Variants in PSMA4 observed in about 807,000 individuals in gnomAD.
PSMA4 encodes the protein proteasome 20S subunit alpha 4, also known as proteasome subunit alpha type-4.
Under a neutral mutation model 37.2 loss-of-function variants are expected in PSMA4, and 8 were observed. The observed-to-expected ratio is 0.22, with a 90% CI of 0.13 to 0.39. The LOEUF (loss-of-function observed/expected upper bound fraction) is 0.39, where lower values mean the gene tolerates loss of function less well. PSMA4 is among the 10% of genes least tolerant of loss of function. The probability of loss-of-function intolerance (pLI) is 1.00; values close to 1 mark genes in which losing one functional copy is unlikely to be tolerated. For synonymous variants in PSMA4, 93 were observed against 98.8 expected (o/e 0.94, Z 0.35); for missense variants, 169 against 305.1 (o/e 0.55, Z 3.32).
At chr15:78,544,105 T>A (rs890014628) in intron 4 of PSMA4, 85 bp from the exon 5 acceptor site, 1 of 987,688 alleles carries the variant, frequency 1.0e-6, no homozygotes, top group Non-Finnish European at 1.5e-6. Flanking sequence ...GAATTTCTAA[T>A]AGAAATTAGA....
Position 78,544,360 on chromosome 15 carries a change from G to C in PSMA4, c.287+93G>C, listed in dbSNP as rs1439613941. 1.3e-5 allele frequency: 11 copies of C among 871,348 alleles called. No individual in the cohort carries two copies. The East Asian group carries it at 2.6e-4, about 21-fold the overall frequency. 54.0% of individuals were successfully genotyped at this position (871,348 alleles called of 1,614,324 possible). A position where few individuals can be genotyped will look rare whatever the true frequency, so the allele number is the denominator to read the frequency against. ...AGACAGAGTCTCACTCTGTCACCCAGGCTGGAGTGCAGTGGCACGATCTTG... is the reference window on the plus strand; with the variant it reads ...AGACAGAGTCTCACTCTGTCACCCACGCTGGAGTGCAGTGGCACGATCTTG... On this transcript the variant is annotated intron_variant, in intron 5 of 8. Coordinates refer to ENST00000044462, the MANE Select transcript of PSMA4 (RefSeq NM_002789.6).
intron 8 of PSMA4, among the ~76,000 whole-genome samples, chr15:78,548,141 G>C (rs552953229): frequency 6.6e-6 from 1 of 152,096 alleles, no homozygotes; most frequent in African/African-American, 2.4e-5. Flanking sequence ...TGAAACAGGA[G>C]AATCACCTGA....
At chr15:78,544,293 TG>T in intron 5 of PSMA4, 26 bp downstream of exon 5, 2 of 1,373,992 alleles carry the variant, frequency 1.5e-6, no homozygotes, top group Admixed American at 2.6e-5. Flanking sequence ...GCATAACTGA[TG>T]ATACAGAAAT....
At position 78,544,875 on chromosome 15, in the gene PSMA4, A is replaced by G. The variant is rs751534088; in HGVS notation, c.294A>G (p.Leu98=). The part of the protein sequence containing the change: ...NELRLIAQRY[L]LQYQEPIPCE... ...GCCCATCTCTTTATCCTAGGTATTT[A>G]TTACAGTATCAGGAGCCAATACCTT... is the stretch of plus-strand genomic sequence containing the variant. The change falls in exon 6 of 9, where the codon TTA becomes TTG. Residue 98 remains leucine, a synonymous_variant. Coordinates refer to ENST00000044462, the MANE Select transcript of PSMA4 (RefSeq NM_002789.6). The G allele has an allele frequency of 6.2e-7, 1 of 1,600,952 alleles. No homozygotes were observed. Among genetic ancestry groups the G allele is most frequent in the South Asian group, 1.1e-5 (1 of 90,518 alleles).
chr15:78,544,408 C>T (rs112234576), intron 5 of PSMA4, 141 bp downstream of exon 5: 16 of 553,528 alleles, frequency 2.9e-5, no homozygotes, highest in African/African-American at 1.4e-4. Context: ...CTCCGCCTCC[C>T]GGGTTCAAGC....
rs2052539885 is a variant in PSMA4, at chr15:78,545,698, C to G, written c.441C>G (p.Leu147=). The G allele has an allele frequency of 6.2e-7, 1 of 1,613,726 alleles. No individual in the cohort carries two copies. Among genetic ancestry groups the G allele is most frequent in the African/African-American group, 1.3e-5 (1 of 74,898 alleles). The change falls in exon 7 of 9, where the codon CTC becomes CTG. Residue 147 remains leucine, a synonymous_variant. Coordinates refer to ENST00000044462, the MANE Select transcript of PSMA4 (RefSeq NM_002789.6). ...GGGATAAGCACTATGGCTTTCAGCTCTATCAGAGTGACCCTAGTGGAAATT... is the reference window on the plus strand; with the variant it reads ...GGGATAAGCACTATGGCTTTCAGCTGTATCAGAGTGACCCTAGTGGAAATT... ...IGWDKHYGFQ[L]YQSDPSGNYG... is the part of the protein sequence containing the mutation.
rs1223636468 is a variant in PSMA4 at position 78,551,220 on chromosome 15, ACC to A, written c.*2278_*2279del. 6.6e-6 allele frequency: 1 copy of A among 151,682 alleles called. No individual in the cohort carries two copies. The highest frequency in any genetic ancestry group is 1.5e-5 in the Non-Finnish European group (1 of 67,916). 9.4% of individuals were successfully genotyped at this position (151,682 alleles called of 1,614,324 possible). A position where few individuals can be genotyped will look rare whatever the true frequency, so the allele number is the denominator to read the frequency against. ...TACTACTGCACAGTTTTGGCTCAAA[ACC>A]CTCCAATGGCTTCCCATCTTGCTCA... On this transcript the variant is annotated 3_prime_UTR_variant, in exon 9 of 9. Transcript: ENST00000044462.
chr15:78,544,136 C>A, intron 4 of PSMA4, 54 bp from the exon 5 acceptor site: 1 of 1,332,974 alleles, frequency 7.5e-7, no homozygotes, highest in Non-Finnish European at 1.1e-6. Flanking sequence ...TACTTATAAA[C>A]ACTCCTTGCA....
intron 5 of PSMA4, 38 bp from the exon 6 acceptor site, chr15:78,544,831 T>C (rs369379855): frequency 3.3e-5 from 46 of 1,392,498 alleles, no homozygotes; most frequent in Non-Finnish European, 4.5e-5. Flanking sequence ...GTCTGTGTTT[T>C]AGAGAAAACT....
At chr15:78,547,605 G>A (rs1316333039) in intron 8 of PSMA4, among the ~76,000 whole-genome samples, 1 of 152,182 alleles carries the variant, frequency 6.6e-6, no homozygotes, top group Non-Finnish European at 1.5e-5. Context: ...GGAGGCTGAG[G>A]TGGGTGGATC....
At chr15:78,546,453 A>C in intron 7 of PSMA4, 122 bp from the exon 8 acceptor site, 1 of 907,396 alleles carries the variant, frequency 1.1e-6, no homozygotes, top group Non-Finnish European at 1.6e-6. Context: ...TGTGTCAAAA[A>C]AAAAAAAAAA....
chr15:78,544,746 C>G, intron 5 of PSMA4, 123 bp from the exon 6 acceptor site: 1 of 573,342 alleles, frequency 1.7e-6, no homozygotes, highest in Non-Finnish European at 3.1e-6. Flanking sequence ...GTTCCCTCCC[C>G]TTCAAATTAC....
At chr15:78,545,241 T>C (rs2052531178) in intron 6 of PSMA4, among the ~76,000 whole-genome samples, 1 of 152,242 alleles carries the variant, frequency 6.6e-6, no homozygotes, top group South Asian at 2.1e-4. Context: ...TATGGTTAAC[T>C]ATATTAATCC....
At position 78,550,222 on chromosome 15, in the gene PSMA4, C is replaced by G. The variant is rs2052624342; in HGVS notation, c.*1278C>G. On this transcript the variant is annotated 3_prime_UTR_variant, in exon 9 of 9. Transcript: ENST00000044462. ...ACTGGTCACATTTTTATCAACTGAT[C>G]AGTACATAACCTGTTTTTTGTGTAT... 1.3e-5 allele frequency: 2 copies of G among 152,216 alleles called. No homozygotes were observed. Among genetic ancestry groups the G allele is most frequent in the African/African-American group, 4.8e-5 (2 of 41,458 alleles). The allele number at this position is 152,216 out of a possible 1,614,324, so 9.4% of individuals were successfully genotyped here.
chr15:78,545,516 C>A, intron 6 of PSMA4, 118 bp from the exon 7 acceptor site: 1 of 1,180,750 alleles, frequency 8.5e-7, no homozygotes, highest in Non-Finnish European at 1.2e-6. Context: ...GAATACAAAA[C>A]AGTTTATGAA....
At chr15:78,542,241 C>A in intron 3 of PSMA4, 22 bp downstream of exon 3, 1 of 1,578,820 alleles carries the variant, frequency 6.3e-7, no homozygotes, top group Non-Finnish European at 8.6e-7. Flanking sequence ...ATTGTTTAAT[C>A]TGCCTCAAGT....
Position 78,550,955 on chromosome 15 carries a change from T to A in PSMA4, c.*2011T>A, listed in dbSNP as rs545062541. The A allele has an allele frequency of 1.3e-5, 2 of 152,314 alleles. No homozygotes were observed. The highest frequency in any genetic ancestry group is 4.1e-4 in the South Asian group (2 of 4,832). The allele number at this position is 152,314 out of a possible 1,614,324, so 9.4% of individuals were successfully genotyped here. A position where few individuals can be genotyped will look rare whatever the true frequency, so the allele number is the denominator to read the frequency against. ...GCAAGTAGTGAAGATGAATGGCACGTCTTCACCCTCCAGTCTTGCTACACC... is the reference window on the plus strand; with the variant it reads ...GCAAGTAGTGAAGATGAATGGCACGACTTCACCCTCCAGTCTTGCTACACC... On this transcript the variant is annotated 3_prime_UTR_variant, in exon 9 of 9. Coordinates refer to ENST00000044462, the MANE Select transcript of PSMA4 (RefSeq NM_002789.6).
intron 4 of PSMA4, 195 bp from the exon 5 acceptor site, chr15:78,543,995 T>A: frequency 2.0e-6 from 1 of 510,158 alleles, no homozygotes; most frequent in Non-Finnish European, 3.4e-6. Flanking sequence ...GGTGCATTTG[T>A]TTATCTTTCA....
rs2052649640 is a variant in PSMA4, at chr15:78,552,003, G to A, written c.*3059G>A. 1 of 152,194 alleles carries A rather than the reference G, an allele frequency of 6.6e-6. No individual in the cohort carries two copies. Among genetic ancestry groups the A allele is most frequent in the South Asian group, 2.1e-4 (1 of 4,830 alleles). The allele number at this position is 152,194 out of a possible 1,614,324, so 9.4% of individuals were successfully genotyped here. On this transcript the variant is annotated 3_prime_UTR_variant, in exon 9 of 9. Transcript: ENST00000044462. Reference sequence around the variant, plus strand: ...CTGTGAGGAAAAGCAAAAGATAGGAGGTGAGGCAAAAGCTACTCTTTAACT... The same window carrying A: ...CTGTGAGGAAAAGCAAAAGATAGGAAGTGAGGCAAAAGCTACTCTTTAACT...
Sources: gnomAD v4.1 joint callset for allele counts (sites outside exome capture counted in the v4.1 genomes callset) on GRCh38, gnomAD v4.1.1 for gene constraint, MANE v1.5 for transcripts, NCBI Gene and HGNC (gene_info 2026-07-23, HGNC 2026-07-21) for gene names.